Variants in ADGRA2 observed in about 807,000 individuals in gnomAD.
ADGRA2 encodes the protein G-protein coupled receptor 124.
ADGRA2 carries 61 observed loss-of-function variants against 98.7 expected under a neutral mutation model. The ratio of observed to expected loss-of-function variants is 0.62; its 90% confidence interval spans 0.50 to 0.76. The LOEUF (loss-of-function observed/expected upper bound fraction) is 0.76. ADGRA2 is among the 30% of genes least tolerant of loss of function. The pLI, the probability that ADGRA2 is intolerant of heterozygous loss-of-function variation, is 0.00. For missense variants in ADGRA2, 1,712 were observed against 1,860.0 expected (o/e 0.92, Z 1.46); for synonymous variants, 858 against 831.5 (o/e 1.03, Z -0.55).
rs759035935 is a variant in ADGRA2, at chr8:37,839,018, C to CCT, written c.2323_2324insTC (p.Pro775LeufsTer36). 1 of 1,604,824 alleles carries CCT rather than the reference C, an allele frequency of 6.2e-7. No homozygotes were observed. The highest frequency in any genetic ancestry group is 2.2e-5 in the East Asian group (1 of 44,802). On this transcript the variant is annotated frameshift_variant, in exon 15 of 19. Coordinates refer to ENST00000412232, the MANE Select transcript of ADGRA2 (RefSeq NM_032777.10). LOFTEE classifies it high-confidence loss of function. Reference sequence around the variant, plus strand: ...GGGCAGGGCTGCACCCCGTGGTATACCCCTGCACGGCCTTGCTGCTGCTCT... The same window carrying CCT: ...GGGCAGGGCTGCACCCCGTGGTATACCTCCCTGCACGGCCTTGCTGCTGCTCT...
intron 2 of ADGRA2, among the ~76,000 whole-genome samples, chr8:37,826,679 C>T (rs1031074750): frequency 5.9e-5 from 9 of 152,300 alleles, no homozygotes; most frequent in African/African-American, 2.2e-4. Context: ...CACAAACAGG[C>T]CCCCTGGTGG....
At chr8:37,836,317 A>C (rs968893521) in intron 13 of ADGRA2, among the ~76,000 whole-genome samples, 1 of 152,208 alleles carries the variant, frequency 6.6e-6, no homozygotes, top group Non-Finnish European at 1.5e-5. Context: ...TGAAAAGGCA[A>C]CATGGCTCCA....
intron 2 of ADGRA2, among the ~76,000 whole-genome samples, chr8:37,815,257 G>A (rs1339322986): frequency 3.3e-5 from 5 of 152,244 alleles, no homozygotes; most frequent in African/African-American, 1.2e-4. Flanking sequence ...TAGCTGTGAG[G>A]GCCGAGCTCT....
rs1805377773 is a variant in ADGRA2, at chr8:37,829,133, G to A, written c.411-128G>A. ...GCATTTCCAGTCCAGCTGCGGCCTGGCCCCAACCTCATCTCCTTTTTCATC... is the reference window on the plus strand; with the variant it reads ...GCATTTCCAGTCCAGCTGCGGCCTGACCCCAACCTCATCTCCTTTTTCATC... On this transcript the variant is annotated intron_variant, in intron 3 of 18. Transcript: ENST00000412232. The A allele has an allele frequency of 6.6e-5, 56 of 851,052 alleles. 1 individual carries two copies. In the South Asian group the frequency reaches 7.9e-4, roughly 12 times the overall value. 52.7% of individuals were successfully genotyped at this position (851,052 alleles called of 1,614,324 possible).
chr8:37,841,919 A>G lies in ADGRA2; in HGVS notation c.3581A>G (p.Glu1194Gly). Residue 1194 changes from glutamate (E) to glycine (G), a missense_variant, in exon 19 of 19, where the codon GAG becomes GGG. Coordinates refer to ENST00000412232, the MANE Select transcript of ADGRA2 (RefSeq NM_032777.10). The surrounding 1 kb of genome is among the most constrained non-coding windows in gnomAD (Gnocchi z 5.0). Reference sequence around the variant, plus strand: ...CGGGCCAAGGGACACCGCGCGGGGGAGGCCTGCGGCAAGAACCGGCTCAAG... The same window carrying G: ...CGGGCCAAGGGACACCGCGCGGGGGGGGCCTGCGGCAAGAACCGGCTCAAG... ...KSRAKGHRAG[E>G]ACGKNRLKAL... The G allele has an allele frequency of 6.6e-7, 1 of 1,524,344 alleles. No homozygotes were observed. The highest frequency in any genetic ancestry group is 8.7e-7 in the Non-Finnish European group (1 of 1,143,032). 94.4% of individuals were successfully genotyped at this position (1,524,344 alleles called of 1,614,324 possible).
chr8:37,805,456 G>A (rs187455050), intron 1 of ADGRA2, among the ~76,000 whole-genome samples: 1 of 152,228 alleles, frequency 6.6e-6, no homozygotes, highest in African/African-American at 2.4e-5. Context: ...AGAGGTCTGC[G>A]CCGCGTGTGT....
chr8:37,831,597 A>C lies in ADGRA2; in HGVS notation c.1097+10A>C. 1 of 1,612,740 alleles carries C rather than the reference A, an allele frequency of 6.2e-7. No homozygotes were observed. Among genetic ancestry groups the C allele is most frequent in the Non-Finnish European group, 8.5e-7 (1 of 1,179,512 alleles). ...ACCGCGGGGACTTCAGGTTTGGCCC[A>C]CTCCACCCTGTAGAGGGCTGCCCAG... On this transcript the variant is annotated intron_variant, in intron 8 of 18. Transcript: ENST00000412232.
At chr8:37,837,997 T>C in intron 14 of ADGRA2, 58 bp downstream of exon 14, 1 of 1,306,890 alleles carries the variant, frequency 7.7e-7, no homozygotes, top group African/African-American at 1.5e-5. Flanking sequence ...GGGTGGAAAA[T>C]GGGGGTGGGT....
At chr8:37,815,107 G>T in intron 2 of ADGRA2, 140 bp downstream of exon 2, 1 of 669,546 alleles carries the variant, frequency 1.5e-6, no homozygotes, top group East Asian at 2.6e-5. Flanking sequence ...GACCCACTGG[G>T]ACCCTGCCCA....
At chr8:37,799,290 G>T (rs1293310458) in intron 1 of ADGRA2, among the ~76,000 whole-genome samples, 1 of 151,778 alleles carries the variant, frequency 6.6e-6, no homozygotes, top group Non-Finnish European at 1.5e-5. Context: ...CAGGAGAATC[G>T]CTTGAACCCG....
chr8:37,800,615 T>G (rs1804475234), intron 1 of ADGRA2, among the ~76,000 whole-genome samples: 1 of 152,094 alleles, frequency 6.6e-6, no homozygotes, highest in Non-Finnish European at 1.5e-5. Flanking sequence ...GGTTCTGAAC[T>G]CCAAGTTTTG....
At position 37,834,266 on chromosome 8, in the gene ADGRA2, G is replaced by C; in HGVS notation, c.1608+138G>C. ...TCTGAGCCATGGGGTTCACTTCCAA[G>C]TTGTCAGGGGCAGTGCTAAGGAGAG... On this transcript the variant is annotated intron_variant, in intron 11 of 18. Coordinates refer to ENST00000412232, the MANE Select transcript of ADGRA2 (RefSeq NM_032777.10). This position sits in a 1 kb window ranked among gnomAD's most constrained non-coding sequence, Gnocchi z 4.2. 1.2e-6 allele frequency: 1 copy of C among 829,590 alleles called. No homozygotes were observed. The highest frequency in any genetic ancestry group is 1.8e-6 in the Non-Finnish European group (1 of 543,242). 51.4% of individuals were successfully genotyped at this position (829,590 alleles called of 1,614,324 possible).
intron 1 of ADGRA2, among the ~76,000 whole-genome samples, chr8:37,808,434 G>A (rs561754443): frequency 4.6e-5 from 7 of 152,312 alleles, no homozygotes; most frequent in Non-Finnish European, 8.8e-5. Flanking sequence ...CCCTATGTCT[G>A]TGTTGGATGG....
chr8:37,829,800 G>A (rs2130007522), intron 5 of ADGRA2, 51 bp from the exon 6 acceptor site: 2 of 1,565,160 alleles, frequency 1.3e-6, no homozygotes, highest in African/African-American at 1.3e-5. Flanking sequence ...GGCCACCCAT[G>A]AGCCCACACT....
intron 1 of ADGRA2, among the ~76,000 whole-genome samples, chr8:37,798,127 C>G (rs527263463): frequency 6.7e-6 from 1 of 150,030 alleles, no homozygotes; most frequent in African/African-American, 2.5e-5. Context: ...TACCGGCGCT[C>G]CTGGGCTGCA....
At position 37,827,876 on chromosome 8, in the gene ADGRA2, G is replaced by A. The variant is rs566476673; in HGVS notation, c.339-1012G>A. 2.0e-5 allele frequency among the ~76,000 whole-genome samples: 3 copies of A among 152,310 alleles called. No individual in the cohort carries two copies. The South Asian group carries it at 6.2e-4, about 32-fold the overall frequency. On this transcript the variant is annotated intron_variant, in intron 2 of 18. Coordinates refer to ENST00000412232, the MANE Select transcript of ADGRA2 (RefSeq NM_032777.10). The stretch of plus-strand genomic sequence containing the variant: ...TGGCCAAGCGCGGTGGCTCACACCT[G>A]TAACCCCAGCACTTTGGGAGGCCCA...
chr8:37,840,213 A>AC lies in ADGRA2; in HGVS notation c.2609dup (p.Pro871SerfsTer118). The AC allele has an allele frequency of 6.2e-7, 1 of 1,612,408 alleles. No homozygotes were observed. Among genetic ancestry groups the AC allele is most frequent in the Non-Finnish European group, 8.5e-7 (1 of 1,179,670 alleles). ...TCCATAAGGAGCTCACCTGGAGGGCACCCCCTCCGCAAGAAGGGGACCCCG... is the reference window on the plus strand; with the variant it reads ...TCCATAAGGAGCTCACCTGGAGGGCACCCCCCTCCGCAAGAAGGGGACCCCG... On this transcript the variant is annotated frameshift_variant, in exon 17 of 19. Transcript: ENST00000412232. LOFTEE classifies it high-confidence loss of function.
At position 37,844,703 on chromosome 8, in the gene ADGRA2, C is replaced by T. The variant is rs755250368; in HGVS notation, c.*2348C>T. 1 of 1,614,140 alleles carries T rather than the reference C, an allele frequency of 6.2e-7. No individual in the cohort carries two copies. The highest frequency in any genetic ancestry group is 8.5e-7 in the Non-Finnish European group (1 of 1,180,042). ...AGAGAAGGGCAGGACTGGCCGGCCG[C>T]TTCCCCTGGGGTAAACCTAAGGAAT... On this transcript the variant is annotated 3_prime_UTR_variant, in exon 19 of 19. Transcript: ENST00000412232.
At chr8:37,801,418 C>A (rs963719935) in intron 1 of ADGRA2, among the ~76,000 whole-genome samples, 3 of 152,144 alleles carry the variant, frequency 2.0e-5, no homozygotes, top group African/African-American at 7.2e-5. Flanking sequence ...TGGCTTATGA[C>A]AGGGAGAACC....
Sources: allele counts gnomAD v4.1 joint callset (sites outside exome capture counted in the v4.1 genomes callset), GRCh38; gene constraint gnomAD v4.1.1; non-coding constraint Gnocchi (gnomAD v3.1); transcripts MANE v1.5; gene names NCBI Gene and HGNC (gene_info 2026-07-23, HGNC 2026-07-21).